KHDRBS2: variants seen among roughly 807,000 people sequenced by gnomAD.
KHDRBS2 encodes KH RNA binding domain containing, signal transduction associated 2.
A neutral mutation model predicts 44.3 loss-of-function variants in KHDRBS2; 26 were observed. The observed-to-expected ratio is 0.59, with a 90% CI of 0.43 to 0.81. The LOEUF is 0.81. Among genes scored for constraint, KHDRBS2 ranks in the 40% least tolerant of loss-of-function variants. The pLI is 0.00. For synonymous variants in KHDRBS2, 194 were observed against 151.1 expected (o/e 1.28, Z -2.08); for missense variants, 476 against 433.1 (o/e 1.10, Z -0.88).
At chr6:61,727,605 C>T (rs1216284800) in intron 7 of KHDRBS2, among the ~76,000 whole-genome samples, 1 of 152,018 alleles carries the variant, frequency 6.6e-6, no homozygotes, top group Non-Finnish European at 1.5e-5. Flanking sequence ...ACAAACAACC[C>T]CATTAAAAAC....
chr6:61,813,695 C>T (rs1788472020), intron 6 of KHDRBS2, among the ~76,000 whole-genome samples: 1 of 152,130 alleles, frequency 6.6e-6, no homozygotes, highest in African/African-American at 2.4e-5. Flanking sequence ...TATCAGCTCC[C>T]TGCTCAGTTC....
intron 4 of KHDRBS2, among the ~76,000 whole-genome samples, chr6:61,945,137 ATATATATATATATACACACAGAC>A (rs1813075446): frequency 9.6e-6 from 1 of 104,628 alleles, no homozygotes; most frequent in African/African-American, 3.6e-5. Context: ...ATATATATAT[ATATATATATATATACACACAGAC>A]TTGTCTTGAT....
At chr6:61,923,423 A>G (rs1808408608) in intron 4 of KHDRBS2, among the ~76,000 whole-genome samples, 1 of 152,160 alleles carries the variant, frequency 6.6e-6, no homozygotes, top group Non-Finnish European at 1.5e-5. Flanking sequence ...AGTGCACTTA[A>G]GAAGATATAT....
At chr6:61,817,513 C>T (rs1160681747) in intron 6 of KHDRBS2, among the ~76,000 whole-genome samples, 2 of 152,032 alleles carry the variant, frequency 1.3e-5, no homozygotes, top group African/African-American at 4.8e-5. Context: ...CTAAATATCT[C>T]TTTCTAAAGA....
rs564967043 is a variant in KHDRBS2 at position 61,952,388 on chromosome 6, CT to C, written c.483+25677del. Among the ~76,000 whole-genome samples, 19 of 152,080 alleles carry C rather than the reference CT, an allele frequency of 1.2e-4. No homozygotes were observed. In the East Asian group the frequency reaches 3.7e-3, roughly 29 times the overall value. ...AACATTTTTGGATCTTCCACCTAAT[CT>C]TTTTTCTATAATCTTGTCATGATAA... On this transcript the variant is annotated intron_variant, in intron 4 of 8. Transcript: ENST00000281156.
chr6:61,793,860 C>T (rs149098772), intron 6 of KHDRBS2, among the ~76,000 whole-genome samples: 8 of 152,004 alleles, frequency 5.3e-5, no homozygotes, highest in Middle Eastern at 3.4e-3. Context: ...AGATGATAAT[C>T]GTCAACAAAT....
At chr6:61,987,004 G>T (rs989214737) in intron 3 of KHDRBS2, among the ~76,000 whole-genome samples, 1 of 152,088 alleles carries the variant, frequency 6.6e-6, no homozygotes, top group African/African-American at 2.4e-5. Flanking sequence ...AGACTGTAAG[G>T]TTATTATCTA....
chr6:61,646,571 A>G, the KHDRBS2 span, among the ~76,000 whole-genome samples: 1 of 152,154 alleles, frequency 6.6e-6, no homozygotes, highest in African/African-American at 2.4e-5. Context: ...TTATTAAGAA[A>G]ATGATTATCC....
intron 1 of KHDRBS2, among the ~76,000 whole-genome samples, chr6:62,220,787 CAAAT>C (rs932171434): frequency 3.3e-5 from 5 of 151,360 alleles, no homozygotes; most frequent in African/African-American, 1.2e-4. Context: ...ACAAGTAAGA[CAAAT>C]AAAAACAGAA....
intron 2 of KHDRBS2, among the ~76,000 whole-genome samples, chr6:62,073,874 G>C (rs993221560): frequency 6.6e-6 from 1 of 151,666 alleles, no homozygotes; most frequent in Non-Finnish European, 1.5e-5. Flanking sequence ...TCCAAATAAA[G>C]TCTATCCTCA....
At chr6:61,989,673 G>A (rs946935045) in intron 3 of KHDRBS2, among the ~76,000 whole-genome samples, 1 of 152,262 alleles carries the variant, frequency 6.6e-6, no homozygotes, top group East Asian at 1.9e-4. Context: ...ACTTTCTCTG[G>A]AAAGAGGAGA....
rs117477221 is a variant in KHDRBS2, at chr6:61,698,952, C to T, written c.894-1699G>A. Among the ~76,000 whole-genome samples, 56 of 152,220 alleles carry T rather than the reference C, an allele frequency of 3.7e-4. 1 individual carries two copies. In the East Asian group the frequency reaches 9.7e-3, roughly 26 times the overall value. On this transcript the variant is annotated intron_variant, in intron 7 of 8. Transcript: ENST00000281156. ...ACCAGGGACCACCTACCTTGCTTTG[C>T]TCACCTTAGCATTCATTGATCATCA...
chr6:61,655,295 G>A, the KHDRBS2 span, among the ~76,000 whole-genome samples: 93 of 150,342 alleles, frequency 6.2e-4, no homozygotes, highest in African/African-American at 2.0e-3. Context: ...TTGCACTGTC[G>A]CCCAGACTGG....
chr6:62,221,328 T>C (rs937237343), intron 1 of KHDRBS2, among the ~76,000 whole-genome samples: 3 of 152,020 alleles, frequency 2.0e-5, no homozygotes, highest in Non-Finnish European at 2.9e-5. Context: ...TGGGGAGATA[T>C]ATGTCAAAGG....
At chr6:62,242,073 C>T (rs1032242424) in intron 1 of KHDRBS2, among the ~76,000 whole-genome samples, 2 of 152,056 alleles carry the variant, frequency 1.3e-5, no homozygotes, top group African/African-American at 4.8e-5. Flanking sequence ...TTTCACTTTA[C>T]TTTGAAAAAG....
the KHDRBS2 span, among the ~76,000 whole-genome samples, chr6:61,645,534 A>AT: frequency 2.0e-5 from 3 of 151,860 alleles, no homozygotes; most frequent in Non-Finnish European, 4.4e-5. Context: ...TAAAAAAAAA[A>AT]AGGTATTTGA....
chr6:62,283,278 T>C (rs576330822), intron 1 of KHDRBS2, among the ~76,000 whole-genome samples: 1 of 152,060 alleles, frequency 6.6e-6, no homozygotes, highest in Admixed American at 6.5e-5. Context: ...TAAAACAAAC[T>C]ACAATGGACC....
At chr6:61,857,183 A>G (rs149510432) in intron 6 of KHDRBS2, among the ~76,000 whole-genome samples, 16 of 152,156 alleles carry the variant, frequency 1.1e-4, no homozygotes, top group African/African-American at 3.6e-4. Context: ...GATTTCAGTA[A>G]TTTTATGAAC....
At chr6:61,731,223 G>A (rs879405388) in intron 7 of KHDRBS2, among the ~76,000 whole-genome samples, 2 of 151,896 alleles carry the variant, frequency 1.3e-5, no homozygotes, top group African/African-American at 4.8e-5. Context: ...TATAATACTC[G>A]GTTCAATATC....
Sources: gnomAD v4.1 joint callset for allele counts (sites outside exome capture counted in the v4.1 genomes callset) on GRCh38, gnomAD v4.1.1 for gene constraint, MANE v1.5 for transcripts, NCBI Gene and HGNC (gene_info 2026-07-23, HGNC 2026-07-21) for gene names.